The following USP50 variants were observed in gnomAD, a reference collection of about 807,000 sequenced individuals.
USP50 encodes the protein ubiquitin specific peptidase 50, also known as ubiquitin carboxyl-terminal hydrolase 50.
Under a neutral mutation model 39.2 loss-of-function variants are expected in USP50, and 37 were observed. That is an observed-to-expected ratio of 0.94 (90% confidence interval 0.73 to 1.24). The LOEUF (loss-of-function observed/expected upper bound fraction) is 1.24, where lower values mean the gene tolerates loss of function less well. Among genes scored for constraint, USP50 ranks in the 50% most tolerant of loss-of-function variants. The probability of loss-of-function intolerance (pLI) is 0.00; values close to 1 mark genes in which losing one functional copy is unlikely to be tolerated. For synonymous variants in USP50, 139 were observed against 144.5 expected (o/e 0.96, Z 0.27); for missense variants, 374 against 398.2 (o/e 0.94, Z 0.52).
Position 50,517,639 on chromosome 15 carries a change from G to C in USP50, c.936+12158C>G, listed in dbSNP as rs527985177. Among the ~76,000 whole-genome samples the C allele has an allele frequency of 3.3e-5, 5 of 152,220 alleles. No individual in the cohort carries two copies. The East Asian group carries it at 9.6e-4, about 29-fold the overall frequency. ...ATGGGTCCAAAAATAAATCAAAAAGGAAATCATAAAATACCTTGAGACACA... is the reference window on the plus strand; with the variant it reads ...ATGGGTCCAAAAATAAATCAAAAAGCAAATCATAAAATACCTTGAGACACA... On this transcript the variant is annotated intron_variant, in intron 6 of 6. Coordinates refer to ENST00000532404, the MANE Select transcript of USP50 (RefSeq NM_203494.5).
chr15:50,496,058 G>T, downstream of USP50: 1 of 1,612,848 alleles, frequency 6.2e-7, no homozygotes, highest in Non-Finnish European at 8.5e-7. Context: ...TCTACCACTA[G>T]CATCCACAAG....
At chr15:50,506,043 A>G (rs542450137) in intron 6 of USP50, 1 of 152,236 alleles carries the variant, frequency 6.6e-6, no homozygotes, top group African/African-American at 2.4e-5. Flanking sequence ...GGAGCAGAGT[A>G]TAAAGATCTT....
intron 6 of USP50, chr15:50,501,130 A>C (rs1279418882): frequency 3.3e-6 from 1 of 304,818 alleles, no homozygotes; most frequent in Admixed American, 4.2e-5. Context: ...CTTAATATAC[A>C]TCAACTATTA....
At chr15:50,535,802 C>T (rs935583948) in intron 5 of USP50, among the ~76,000 whole-genome samples, 2 of 151,942 alleles carry the variant, frequency 1.3e-5, no homozygotes, top group African/African-American at 2.4e-5. Context: ...TACCTTTATC[C>T]CAGGTATGCA....
In USP50 at chr15:50,518,227, G is replaced by GTT. The variant is rs60749263; in HGVS notation, c.936+11568_936+11569dup. ...GATTTTTCTTTCTTTTTCTTTTTTT[G>GTT]TTTTTTTTTTTGAGACAGAGTCTCG... On this transcript the variant is annotated intron_variant, in intron 6 of 6. Coordinates refer to ENST00000532404, the MANE Select transcript of USP50 (RefSeq NM_203494.5). Among the ~76,000 whole-genome samples, 300 of 144,080 alleles carry GTT rather than the reference G, an allele frequency of 2.1e-3. 1 individual carries two copies. Among genetic ancestry groups the GTT allele is most frequent in the Middle Eastern group, 3.6e-3 (1 of 278 alleles). The allele number at this position is 144,080 out of a possible 152,430, so 94.5% of individuals were successfully genotyped here.
At chr15:50,498,956 A>C, downstream of USP50, 1 of 1,613,996 alleles carries the variant, frequency 6.2e-7, no homozygotes, top group Non-Finnish European at 8.5e-7. Context: ...GTAAAAATGC[A>C]GCAAGACAAC....
At chr15:50,538,225 TG>T (rs1309617023) in intron 5 of USP50, among the ~76,000 whole-genome samples, 2 of 125,044 alleles carry the variant, frequency 1.6e-5, no homozygotes, top group Non-Finnish European at 3.1e-5. Context: ...TGCAGTGAGC[TG>T]AGATCACATC....
At chr15:50,530,088 CT>C in intron 5 of USP50, among the ~76,000 whole-genome samples, 159 bp from the exon 6 acceptor site, 1 of 152,302 alleles carries the variant, frequency 6.6e-6, no homozygotes, top group East Asian at 1.9e-4. Context: ...GGACATATCC[CT>C]TGAGCCTAGG....
At chr15:50,527,631 GTTTTT>G (rs1233370500) in intron 6 of USP50, among the ~76,000 whole-genome samples, 1 of 147,616 alleles carries the variant, frequency 6.8e-6, no homozygotes, top group Non-Finnish European at 1.5e-5. Context: ...AAGATGCTTA[GTTTTT>G]TATTGTTGTT....
At chr15:50,521,692 A>G (rs1019165578) in intron 6 of USP50, among the ~76,000 whole-genome samples, 4 of 152,054 alleles carry the variant, frequency 2.6e-5, no homozygotes, top group African/African-American at 9.7e-5. Context: ...GCCGAGTACA[A>G]TGGCTCATGC....
chr15:50,505,820 A>T (rs2052650455), intron 6 of USP50: 1 of 152,270 alleles, frequency 6.6e-6, no homozygotes. Context: ...TTGGCCATGC[A>T]CAGTAGCATG....
intron 6 of USP50, chr15:50,504,117 T>C (rs549404113): frequency 6.6e-6 from 1 of 152,252 alleles, no homozygotes; most frequent in African/African-American, 2.4e-5. Flanking sequence ...AAAATATACA[T>C]ATTTTAAAAT....
At chr15:50,541,489 G>T (rs550149789) in intron 3 of USP50, among the ~76,000 whole-genome samples, 18 of 152,078 alleles carry the variant, frequency 1.2e-4, no homozygotes, top group African/African-American at 4.1e-4. Flanking sequence ...CTCCAGCCTG[G>T]GTGACAGAGT....
chr15:50,513,389 A>C (rs1053155803), intron 6 of USP50: 2 of 152,090 alleles, frequency 1.3e-5, no homozygotes, highest in Non-Finnish European at 2.9e-5. Flanking sequence ...CAATATGGAT[A>C]TATCTTTAAA....
chr15:50,500,967 T>C (rs1270796141), intron 6 of USP50, 130 bp from the exon 7 acceptor site: 3 of 799,992 alleles, frequency 3.8e-6, no homozygotes, highest in Non-Finnish European at 6.1e-6. Flanking sequence ...GATAATTTTG[T>C]TGTTAAATCA....
chr15:50,501,302 GAAA>G (rs59352489), intron 6 of USP50: 25 of 108,796 alleles, frequency 2.3e-4, no homozygotes, highest in South Asian at 9.0e-4. Context: ...TCTTTTAAAG[GAAA>G]AAAAAAAAAA....
chr15:50,538,840 T>C lies in USP50; in HGVS notation c.672A>G (p.Gln224=), dbSNP rs201906624. 7.5e-4 allele frequency: 1,200 copies of C among 1,609,618 alleles called. 6 individuals carry two copies. The highest frequency in any genetic ancestry group is 1.2e-3 in the African/African-American group (86 of 74,734). The change falls in exon 5 of 7, where the codon CAA becomes CAG. Residue 224 remains glutamine, a synonymous_variant. Coordinates refer to ENST00000532404, the MANE Select transcript of USP50 (RefSeq NM_203494.5). ...TCAGTGCGTCTTGTTGAAAAAAACA[T>C]TGGAGACAGTCCTGTTAAGGAAAAA... ...KYECSLRDCL[Q]CFFQQDALTW...
At chr15:50,526,140 C>T (rs1217442460) in intron 6 of USP50, among the ~76,000 whole-genome samples, 1 of 152,128 alleles carries the variant, frequency 6.6e-6, no homozygotes, top group Non-Finnish European at 1.5e-5. Flanking sequence ...CTCGCTGCAG[C>T]CTCAACCTCC....
chr15:50,529,687 T>C (rs2052924843), intron 6 of USP50, 110 bp downstream of exon 6: 4 of 1,259,770 alleles, frequency 3.2e-6, no homozygotes, highest in Admixed American at 2.8e-5. Flanking sequence ...TCTATATTTT[T>C]TAAAAGTAGG....
Sources: allele counts gnomAD v4.1 joint callset (sites outside exome capture counted in the v4.1 genomes callset), GRCh38; gene constraint gnomAD v4.1.1; transcripts MANE v1.5; gene names NCBI Gene and HGNC (gene_info 2026-07-23, HGNC 2026-07-21).